DCC: variants seen among roughly 807,000 people sequenced by gnomAD.
DCC encodes the protein netrin receptor DCC.
Under a neutral mutation model 172.5 loss-of-function variants are expected in DCC, and 58 were observed. The observed-to-expected ratio is 0.34, with a 90% CI of 0.27 to 0.42. The LOEUF (loss-of-function observed/expected upper bound fraction) is 0.42. DCC is among the 10% of genes least tolerant of loss of function. The probability of loss-of-function intolerance (pLI) is 1.00; values close to 1 mark genes in which losing one functional copy is unlikely to be tolerated. For missense variants in DCC, 1,740 were observed against 1,791.0 expected, an observed-to-expected ratio of 0.97 and a Z score of 0.51; for synonymous variants, 709 against 644.5, an observed-to-expected ratio of 1.10 and a Z score of -1.52.
chr18:53,489,215 G>A (rs1034438656), intron 26 of DCC, among the ~76,000 whole-genome samples: 1 of 152,166 alleles, frequency 6.6e-6, no homozygotes, highest in Non-Finnish European at 1.5e-5. Context: ...GGCATTGGAT[G>A]TTCTACTCCT....
At chr18:53,505,014 T>C (rs973095192) in intron 27 of DCC, among the ~76,000 whole-genome samples, 1 of 151,678 alleles carries the variant, frequency 6.6e-6, no homozygotes, top group Non-Finnish European at 1.5e-5. Context: ...TTAGAGTGAC[T>C]TTTTCCCCCC....
At chr18:52,537,645 G>GA (rs201366678) in intron 1 of DCC, among the ~76,000 whole-genome samples, 15 of 151,504 alleles carry the variant, frequency 9.9e-5, no homozygotes, top group East Asian at 1.9e-4. Context: ...ATTACAAGCA[G>GA]AAAAAAAAGA....
In DCC at chr18:52,927,148, T is replaced by C. The variant is rs376096516; in HGVS notation, c.985+1778T>C. Among the ~76,000 whole-genome samples the C allele has an allele frequency of 2.7e-3, 108 of 40,688 alleles. 20 individuals carry two copies. Among genetic ancestry groups the C allele is most frequent in the African/African-American group, 4.7e-3 (56 of 11,802 alleles). The allele number at this position is 40,688 out of a possible 152,430, so 26.7% of individuals were successfully genotyped here. A position where few individuals can be genotyped will look rare whatever the true frequency, so the allele number is the denominator to read the frequency against. On this transcript the variant is annotated intron_variant, in intron 5 of 28. Transcript: ENST00000442544. ...ATACACGTATATACGTGTATATATG[T>C]GTATATATACGTATATATGTGTATA...
chr18:53,522,538 C>A (rs950547281), intron 27 of DCC, among the ~76,000 whole-genome samples: 11 of 152,212 alleles, frequency 7.2e-5, no homozygotes, highest in African/African-American at 2.6e-4. Context: ...GCTACAGGAA[C>A]CAAATCAGCA....
At chr18:53,467,381 T>A (rs971750365) in intron 24 of DCC, among the ~76,000 whole-genome samples, 2 of 152,278 alleles carry the variant, frequency 1.3e-5, no homozygotes, top group Admixed American at 6.5e-5. Context: ...TATGTAAATA[T>A]GTCTGATCTT....
At chr18:53,014,286 A>T (rs1220769936) in intron 5 of DCC, among the ~76,000 whole-genome samples, 3 of 151,064 alleles carry the variant, frequency 2.0e-5, no homozygotes, top group Non-Finnish European at 4.5e-5. Flanking sequence ...ATGGATAATT[A>T]TTTTTTTTAT....
At chr18:52,369,926 C>T (rs547957324) in intron 1 of DCC, among the ~76,000 whole-genome samples, 11 of 152,218 alleles carry the variant, frequency 7.2e-5, no homozygotes, top group African/African-American at 2.6e-4. Context: ...CAGTGTCTGA[C>T]TTAATTTCCC....
chr18:53,071,622 G>A (rs2042652392), intron 7 of DCC, among the ~76,000 whole-genome samples: 1 of 152,204 alleles, frequency 6.6e-6, no homozygotes, highest in African/African-American at 2.4e-5. Flanking sequence ...TAAGCAGTGT[G>A]ATGGAAAGTT....
chr18:52,564,965 C>T (rs2033126443), intron 1 of DCC, among the ~76,000 whole-genome samples: 1 of 151,980 alleles, frequency 6.6e-6, no homozygotes, highest in South Asian at 2.1e-4. Flanking sequence ...TCTCACACTG[C>T]TTGCGAAAGG....
intron 1 of DCC, among the ~76,000 whole-genome samples, chr18:52,634,699 G>A (rs562144986): frequency 3.1e-4 from 47 of 152,210 alleles, no homozygotes; most frequent in African/African-American, 1.1e-3. Flanking sequence ...TAGTGGTAGA[G>A]ACCCATAAGA....
intron 1 of DCC, among the ~76,000 whole-genome samples, chr18:52,402,779 A>C (rs920535054): frequency 3.9e-5 from 6 of 152,020 alleles, no homozygotes; most frequent in African/African-American, 1.4e-4. Context: ...AATTAGTGAT[A>C]ATAGGGAAAG....
intron 2 of DCC, among the ~76,000 whole-genome samples, chr18:52,769,853 C>T (rs1677621655): frequency 6.6e-6 from 1 of 152,112 alleles, no homozygotes; most frequent in Admixed American, 6.5e-5. Flanking sequence ...TGTCTTTCAC[C>T]ATAATACTGT....
rs1173354140 is a variant in DCC, at chr18:53,526,603, G to A, written c.4112-14G>A. 1.2e-6 allele frequency: 2 copies of A among 1,612,984 alleles called. No homozygotes were observed. Among genetic ancestry groups the A allele is most frequent in the East Asian group, 2.2e-5 (1 of 44,862 alleles). On this transcript the variant is annotated splice_polypyrimidine_tract_variant and intron_variant, in intron 27 of 28. Transcript: ENST00000442544. The stretch of plus-strand genomic sequence containing the variant: ...TTTTCTACATTACTTTCATCACTGT[G>A]TTTTCTATTTCAGGGCCCACTCTTC...
chr18:53,022,539 ATGTGCG>A (rs1178345071), intron 5 of DCC, among the ~76,000 whole-genome samples: 3,006 of 117,684 alleles, frequency 0.026, 45 homozygotes, highest in Middle Eastern at 0.061. Context: ...TTATATATAT[ATGTGCG>A]TGTGTGTGTG....
chr18:52,997,775 A>G (rs2041505253), intron 5 of DCC, among the ~76,000 whole-genome samples: 1 of 152,150 alleles, frequency 6.6e-6, no homozygotes, highest in South Asian at 2.1e-4. Context: ...TTTTGTGTCC[A>G]AACGAGTATT....
chr18:52,446,201 G>GT (rs1555683102), intron 1 of DCC, among the ~76,000 whole-genome samples: 1 of 152,144 alleles, frequency 6.6e-6, no homozygotes, highest in Non-Finnish European at 1.5e-5. Flanking sequence ...GATTACAAGC[G>GT]TAAGCCACCG....
chr18:52,614,492 T>G (rs868822311), intron 1 of DCC, among the ~76,000 whole-genome samples: 31 of 152,222 alleles, frequency 2.0e-4, no homozygotes, highest in Admixed American at 5.9e-4. Context: ...TTTTTGCCCA[T>G]TACTTTCAAA....
In DCC at chr18:52,538,580, A is replaced by C. The variant is rs115970818; in HGVS notation, c.91+197702A>C. ...TGGTAGGTTTTGTCTATCTCCTTCC[A>C]TTCCTCCTTGCTCCAGACTGGATAC... On this transcript the variant is annotated intron_variant, in intron 1 of 28. Coordinates refer to ENST00000442544, the MANE Select transcript of DCC (RefSeq NM_005215.4). Among the ~76,000 whole-genome samples, 673 of 152,184 alleles carry C rather than the reference A, an allele frequency of 4.4e-3. 7 individuals are homozygous for C. The highest frequency in any genetic ancestry group is 0.015 in the African/African-American group (626 of 41,512).
At chr18:52,954,903 T>C (rs991872115) in intron 5 of DCC, among the ~76,000 whole-genome samples, 2 of 152,150 alleles carry the variant, frequency 1.3e-5, no homozygotes, top group Non-Finnish European at 2.9e-5. Flanking sequence ...TGGTAAACTT[T>C]ACGAACAGGT....
Sources: allele counts gnomAD v4.1 joint callset (sites outside exome capture counted in the v4.1 genomes callset), GRCh38; gene constraint gnomAD v4.1.1; transcripts MANE v1.5; gene names NCBI Gene and HGNC (gene_info 2026-07-23, HGNC 2026-07-21).